The following CADPS variants were observed in gnomAD, a reference collection of about 807,000 sequenced individuals.
CADPS encodes the protein calcium-dependent secretion activator 1.
In CADPS, 57 loss-of-function variants were observed where a neutral mutation model predicts 167.3. The ratio of observed to expected loss-of-function variants is 0.34; its 90% CI spans 0.28 to 0.42. The LOEUF (loss-of-function observed/expected upper bound fraction) is 0.42. CADPS is among the 20% of genes least tolerant of loss of function. The pLI, the probability that CADPS is intolerant of heterozygous loss-of-function variation, is 1.00. For missense variants in CADPS, 1,414 were observed against 1,738.1 expected (o/e 0.81, Z 3.32); for synonymous variants, 676 against 635.3 (o/e 1.06, Z -0.96).
chr3:62,855,072 G>T (rs1439054789), intron 1 of CADPS, among the ~76,000 whole-genome samples: 1 of 136,084 alleles, frequency 7.3e-6, no homozygotes, highest in Non-Finnish European at 1.6e-5. Context: ...CTACAGGCAC[G>T]TGCCATCATG....
At chr3:62,439,678 TG>T (rs2055898315) in intron 27 of CADPS, 1 of 152,206 alleles carries the variant, frequency 6.6e-6, no homozygotes, top group African/African-American at 2.4e-5. Context: ...GATCTCTACC[TG>T]GGGGACTTGA....
chr3:62,484,864 T>C (rs999922000), intron 21 of CADPS, among the ~76,000 whole-genome samples: 43 of 152,220 alleles, frequency 2.8e-4, no homozygotes, highest in African/African-American at 9.9e-4. Flanking sequence ...TCTACTTTTA[T>C]GAATCAGTTG....
intron 3 of CADPS, among the ~76,000 whole-genome samples, chr3:62,701,216 C>T (rs2081328073): frequency 1.3e-5 from 2 of 152,064 alleles, no homozygotes; most frequent in African/African-American, 4.8e-5. Context: ...CAGAAACTGC[C>T]GTTACACCCA....
chr3:62,730,679 C>T (rs1224434059), intron 3 of CADPS, among the ~76,000 whole-genome samples: 1 of 152,162 alleles, frequency 6.6e-6, no homozygotes, highest in Non-Finnish European at 1.5e-5. Flanking sequence ...CCAGACACTG[C>T]AGGAGAAATA....
intron 3 of CADPS, among the ~76,000 whole-genome samples, chr3:62,718,169 T>C (rs2085053442): frequency 6.6e-6 from 1 of 152,224 alleles, no homozygotes; most frequent in Non-Finnish European, 1.5e-5. Flanking sequence ...ACATGTTTAT[T>C]ATCTGTGCTT....
At chr3:62,590,464 C>T (rs933315003) in intron 7 of CADPS, among the ~76,000 whole-genome samples, 4 of 152,190 alleles carry the variant, frequency 2.6e-5, no homozygotes, top group African/African-American at 9.7e-5. Context: ...AACAGCTAAA[C>T]CTTTTATTTT....
intron 1 of CADPS, among the ~76,000 whole-genome samples, chr3:62,770,523 T>C (rs1255620920): frequency 6.6e-6 from 1 of 152,094 alleles, no homozygotes; most frequent in African/African-American, 2.4e-5. Context: ...CCTCCTAGGT[T>C]CAAGTGATTC....
intron 3 of CADPS, among the ~76,000 whole-genome samples, chr3:62,702,540 G>A (rs1235479931): frequency 6.6e-6 from 1 of 152,056 alleles, no homozygotes; most frequent in Middle Eastern, 3.2e-3. Flanking sequence ...ACAGACAAGG[G>A]AACAAACGTG....
At chr3:62,865,385 T>TAAAAA (rs35780515) in intron 1 of CADPS, among the ~76,000 whole-genome samples, 3 of 110,148 alleles carry the variant, frequency 2.7e-5, no homozygotes, top group African/African-American at 1.0e-4. Flanking sequence ...ACTTAAGGAT[T>TAAAAA]AAAAAAAAAA....
At chr3:62,444,907 T>C (rs1300426490) in intron 27 of CADPS, among the ~76,000 whole-genome samples, 9 of 152,200 alleles carry the variant, frequency 5.9e-5, no homozygotes, top group African/African-American at 2.2e-4. Flanking sequence ...ACAAGACCCT[T>C]GGTGGCTGTT....
intron 28 of CADPS, among the ~76,000 whole-genome samples, chr3:62,424,172 G>A (rs994469512): frequency 3.3e-5 from 5 of 151,652 alleles, no homozygotes; most frequent in Admixed American, 1.3e-4. Context: ...TACTCGCAGT[G>A]CAATTCTGGA....
intron 17 of CADPS, among the ~76,000 whole-genome samples, chr3:62,505,703 G>A (rs1167290740): frequency 6.6e-6 from 1 of 152,194 alleles, no homozygotes; most frequent in Non-Finnish European, 1.5e-5. Flanking sequence ...CATAACAAGA[G>A]AGTGCCATCA....
intron 1 of CADPS, among the ~76,000 whole-genome samples, chr3:62,776,843 G>A (rs903736809): frequency 6.6e-6 from 1 of 152,120 alleles, no homozygotes; most frequent in African/African-American, 2.4e-5. Context: ...AGGCCGTAGG[G>A]AGAAAAGGCG....
chr3:62,708,405 CA>C (rs2082729652), intron 3 of CADPS, among the ~76,000 whole-genome samples: 1 of 151,998 alleles, frequency 6.6e-6, no homozygotes, highest in Non-Finnish European at 1.5e-5. Flanking sequence ...TAAGTATATG[CA>C]AACCCTTAAT....
At chr3:62,546,338 G>A (rs992763309) in intron 11 of CADPS, among the ~76,000 whole-genome samples, 1 of 152,106 alleles carries the variant, frequency 6.6e-6, no homozygotes, top group Non-Finnish European at 1.5e-5. Context: ...CTTTGCTCAG[G>A]ATTGAAGCGT....
chr3:62,579,378 T>C (rs1372007621), intron 8 of CADPS, among the ~76,000 whole-genome samples: 1 of 152,240 alleles, frequency 6.6e-6, no homozygotes, highest in Admixed American at 6.5e-5. Flanking sequence ...TGTCAGTCTC[T>C]GTATGAAGGT....
Position 62,602,703 on chromosome 3 carries a change from T to C in CADPS, c.1326-9955A>G, listed in dbSNP as rs918923338. Among the ~76,000 whole-genome samples, 3 of 152,186 alleles carry C rather than the reference T, an allele frequency of 2.0e-5. No individual in the cohort carries two copies. Among genetic ancestry groups the C allele is most frequent in the Admixed American group, 1.3e-4 (2 of 15,274 alleles). On this transcript the variant is annotated intron_variant, in intron 6 of 29. Coordinates refer to ENST00000383710, the MANE Select transcript of CADPS (RefSeq NM_003716.4). This position sits in a 1 kb window ranked among gnomAD's most constrained non-coding sequence, Gnocchi z 4.4. Reference sequence around the variant, plus strand: ...TTTGCTTTGTAGAAATTGGGCTGTCTGGGAGGCAGAGATGAAGGCTTTGGT... The same window carrying C: ...TTTGCTTTGTAGAAATTGGGCTGTCCGGGAGGCAGAGATGAAGGCTTTGGT...
chr3:62,780,870 G>A (rs915802629), intron 1 of CADPS, among the ~76,000 whole-genome samples: 2 of 152,082 alleles, frequency 1.3e-5, no homozygotes, highest in Non-Finnish European at 2.9e-5. Flanking sequence ...ATATTTATAT[G>A]AGTCATGTTT....
intron 4 of CADPS, among the ~76,000 whole-genome samples, chr3:62,662,000 G>A (rs6795270): frequency 0.029 from 4,476 of 152,282 alleles, 82 homozygotes; most frequent in East Asian, 0.086. Flanking sequence ...GATTTTGAAG[G>A]CATTCAACCT....
Sources: allele counts gnomAD v4.1 joint callset (sites outside exome capture counted in the v4.1 genomes callset), GRCh38; gene constraint gnomAD v4.1.1; non-coding constraint Gnocchi (gnomAD v3.1); transcripts MANE v1.5; gene names NCBI Gene and HGNC (gene_info 2026-07-23, HGNC 2026-07-21).